The following NEK11 variants were observed in gnomAD, a reference collection of about 807,000 sequenced individuals.
The protein encoded by NEK11 is serine/threonine-protein kinase Nek11.
A neutral mutation model predicts 80.7 loss-of-function variants in NEK11; 72 were observed. The observed-to-expected ratio is 0.89, with a 90% confidence interval of 0.74 to 1.08. The LOEUF (loss-of-function observed/expected upper bound fraction) is 1.08, where lower values mean the gene tolerates loss of function less well. NEK11 is among the 50% of genes least tolerant of loss of function. NEK11 has a pLI of 0.00. For missense variants in NEK11, 764 were observed against 763.6 expected, an observed-to-expected ratio of 1.00 and a Z score of -0.01; for synonymous variants, 251 against 260.7, an observed-to-expected ratio of 0.96 and a Z score of 0.36.
chr3:131,074,539 G>A (rs1484745854), intron 3 of NEK11, among the ~76,000 whole-genome samples: 2 of 152,024 alleles, frequency 1.3e-5, no homozygotes, highest in African/African-American at 4.8e-5. Flanking sequence ...ATAATATAAT[G>A]TATAAAGTCA....
chr3:131,118,805 G>T (rs951406221), intron 5 of NEK11, among the ~76,000 whole-genome samples: 2 of 152,088 alleles, frequency 1.3e-5, no homozygotes, highest in Non-Finnish European at 2.9e-5. Flanking sequence ...ATTTCTGTGG[G>T]ATCGGTGGTG....
intron 15 of NEK11, among the ~76,000 whole-genome samples, chr3:131,233,029 GAA>G (rs2095361968): frequency 2.7e-5 from 4 of 150,238 alleles, no homozygotes; most frequent in Admixed American, 2.7e-4. Context: ...AGGAAGGAAG[GAA>G]GGAAGGTTGG....
At chr3:131,331,099 ACCTTG>A (rs981221625) in intron 17 of NEK11, among the ~76,000 whole-genome samples, 6 of 152,126 alleles carry the variant, frequency 3.9e-5, no homozygotes, top group African/African-American at 1.2e-4. Context: ...CAACACATGA[ACCTTG>A]GGGGACACAT....
intron 3 of NEK11, among the ~76,000 whole-genome samples, chr3:131,050,637 CAGTTAT>C (rs2068218423): frequency 1.3e-5 from 2 of 152,292 alleles, no homozygotes; most frequent in East Asian, 3.9e-4. Flanking sequence ...CTTGTTTCAT[CAGTTAT>C]ATCTGAGTTA....
rs182008175 is a variant in NEK11, at chr3:131,252,347, A to G, written c.1621+8851A>G. Among the ~76,000 whole-genome samples the G allele has an allele frequency of 4.8e-3, 738 of 152,252 alleles. 6 individuals are homozygous for G. In the Middle Eastern group the frequency reaches 0.058, roughly 12 times the overall value. On this transcript the variant is annotated intron_variant, in intron 16 of 17. Transcript: ENST00000383366. ...ACAAACATCTTCAAGAGCTTCTTCT[A>G]TCTCTTAACCAGAGAAGAAAGAAAA...
At chr3:131,255,695 TATTC>T (rs2095803289) in intron 16 of NEK11, among the ~76,000 whole-genome samples, 1 of 152,174 alleles carries the variant, frequency 6.6e-6, no homozygotes, top group South Asian at 2.1e-4. Context: ...TCTATCTTTC[TATTC>T]ATTCATTAAG....
chr3:131,057,687 T>C (rs1470486788), intron 3 of NEK11, among the ~76,000 whole-genome samples: 5 of 152,088 alleles, frequency 3.3e-5, no homozygotes, highest in African/African-American at 1.2e-4. Context: ...AAATGTCTTC[T>C]TTTGAGAAGT....
chr3:131,207,028 G>C (rs2150457589), intron 14 of NEK11, among the ~76,000 whole-genome samples: 1 of 152,226 alleles, frequency 6.6e-6, no homozygotes, highest in South Asian at 2.1e-4. Flanking sequence ...AGTATTCCAT[G>C]GTGTATATGT....
intron 17 of NEK11, among the ~76,000 whole-genome samples, chr3:131,320,624 A>T (rs1261648082): frequency 6.6e-6 from 1 of 152,116 alleles, no homozygotes; most frequent in Non-Finnish European, 1.5e-5. Flanking sequence ...GTAAAAAAGA[A>T]AGCTTAGTAT....
At chr3:131,274,107 C>T (rs371908806) in intron 17 of NEK11, among the ~76,000 whole-genome samples, 2 of 119,752 alleles carry the variant, frequency 1.7e-5, no homozygotes, top group African/African-American at 6.3e-5. Flanking sequence ...ATCCCTCCCC[C>T]CTCCCCCCAC....
intron 7 of NEK11, among the ~76,000 whole-genome samples, chr3:131,139,208 A>G (rs114686811): frequency 0.013 from 1,994 of 152,084 alleles, 39 homozygotes; most frequent in African/African-American, 0.045. Context: ...AGAATCAAGC[A>G]GAAGTTCTGG....
rs552588338 is a variant in NEK11, at chr3:131,254,150, T to C, written c.1621+10654T>C. On this transcript the variant is annotated intron_variant, in intron 16 of 17. Transcript: ENST00000383366. ...ATAAGACATAAATCTCTATAAGACA[T>C]AAACAGAAGGGATAATGGAAAACAG... 1.1e-4 allele frequency among the ~76,000 whole-genome samples: 17 copies of C among 152,282 alleles called. No homozygotes were observed. In the South Asian group the frequency reaches 1.9e-3, roughly 17 times the overall value.
At chr3:131,231,417 G>C (rs1253931192) in intron 15 of NEK11, among the ~76,000 whole-genome samples, 1 of 146,584 alleles carries the variant, frequency 6.8e-6, no homozygotes, top group African/African-American at 2.5e-5. Context: ...AATATATATT[G>C]ACCTAGAATG....
At chr3:131,268,973 G>A (rs918945171) in intron 16 of NEK11, among the ~76,000 whole-genome samples, 6 of 152,220 alleles carry the variant, frequency 3.9e-5, no homozygotes, top group African/African-American at 1.4e-4. Context: ...GCCCAGAGAG[G>A]AGGAATCTAG....
chr3:131,140,782 C>A (rs180923927), intron 7 of NEK11, among the ~76,000 whole-genome samples: 174 of 152,298 alleles, frequency 1.1e-3, no homozygotes, highest in South Asian at 9.3e-3. Context: ...GAACCTGGAC[C>A]ACAGCTGAGA....
chr3:131,259,570 G>A (rs2095875584), intron 16 of NEK11, among the ~76,000 whole-genome samples: 1 of 152,104 alleles, frequency 6.6e-6, no homozygotes, highest in South Asian at 2.1e-4. Context: ...TTGACCCTGT[G>A]GACAGAAGGA....
chr3:131,347,203 C>G (rs2110539140), intron 17 of NEK11, among the ~76,000 whole-genome samples: 1 of 152,298 alleles, frequency 6.6e-6, no homozygotes, highest in African/African-American at 2.4e-5. Context: ...GTTTTAAGAT[C>G]AGCATTTGAG....
At chr3:131,097,341 A>G (rs2077600444) in intron 4 of NEK11, among the ~76,000 whole-genome samples, 1 of 151,882 alleles carries the variant, frequency 6.6e-6, no homozygotes, top group South Asian at 2.1e-4. Flanking sequence ...ACTAGTTTAC[A>G]GTCCCACCAA....
At chr3:131,114,513 A>G (rs1044912704) in intron 5 of NEK11, among the ~76,000 whole-genome samples, 3 of 152,188 alleles carry the variant, frequency 2.0e-5, no homozygotes, top group Non-Finnish European at 2.9e-5. Context: ...GAGCAGCCCT[A>G]TCCAGGACAG....
Sources: gnomAD v4.1 joint callset for allele counts (sites outside exome capture counted in the v4.1 genomes callset) on GRCh38, gnomAD v4.1.1 for gene constraint, MANE v1.5 for transcripts, NCBI Gene and HGNC (gene_info 2026-07-23, HGNC 2026-07-21) for gene names.